The following METAP1D variants were observed in gnomAD, a reference collection of about 807,000 sequenced individuals.
METAP1D encodes the protein methionine aminopeptidase 1D, mitochondrial.
Under a neutral mutation model 40.5 loss-of-function variants are expected in METAP1D, and 31 were observed. That is an observed-to-expected ratio of 0.77 (90% CI 0.58 to 1.03). The LOEUF is 1.03. METAP1D is among the 50% of genes least tolerant of loss of function. METAP1D has a pLI of 0.00. For missense variants in METAP1D, 411 were observed against 420.7 expected, an observed-to-expected ratio of 0.98 and a Z score of 0.20; for synonymous variants, 151 against 146.4, an observed-to-expected ratio of 1.03 and a Z score of -0.22.
intron 6 of METAP1D, among the ~76,000 whole-genome samples, chr2:172,074,066 A>C (rs553659341): frequency 2.0e-5 from 3 of 152,312 alleles, no homozygotes; most frequent in Non-Finnish European, 2.9e-5. Flanking sequence ...AGTAATCTTT[A>C]GGTCATAGTG....
At chr2:172,014,070 G>A (rs965405636) in intron 1 of METAP1D, among the ~76,000 whole-genome samples, 3 of 151,254 alleles carry the variant, frequency 2.0e-5, no homozygotes, top group Admixed American at 6.6e-5. Context: ...TGATCTGCCT[G>A]CCTCGGCCTC....
intron 1 of METAP1D, among the ~76,000 whole-genome samples, chr2:172,007,734 G>A (rs1688620833): frequency 6.6e-6 from 1 of 152,118 alleles, no homozygotes. Flanking sequence ...CTGTTGCCCA[G>A]GATGGAGTGC....
intron 5 of METAP1D, 46 bp downstream of exon 5, chr2:172,066,352 G>C: frequency 6.7e-7 from 1 of 1,485,446 alleles, no homozygotes; most frequent in Non-Finnish European, 9.4e-7. Context: ...CTTCAGAATT[G>C]CTGGTAGCAA....
At chr2:172,014,943 C>G (rs1688822002) in intron 1 of METAP1D, among the ~76,000 whole-genome samples, 1 of 152,124 alleles carries the variant, frequency 6.6e-6, no homozygotes, top group Non-Finnish European at 1.5e-5. Context: ...TCAGCCACTG[C>G]GCTGGCCTAG....
intron 1 of METAP1D, among the ~76,000 whole-genome samples, chr2:172,009,866 G>C (rs1251430340): frequency 6.6e-6 from 1 of 152,054 alleles, no homozygotes; most frequent in Non-Finnish European, 1.5e-5. Flanking sequence ...CCAAGGAAAT[G>C]GTACAGAGGA....
intron 1 of METAP1D, among the ~76,000 whole-genome samples, chr2:172,014,435 C>T (rs1322559131): frequency 1.3e-5 from 2 of 151,982 alleles, no homozygotes; most frequent in Non-Finnish European, 2.9e-5. Context: ...TATAAAAACA[C>T]AAAGAGATAT....
chr2:172,045,725 GTGTGTGTA>G (rs1395216788), intron 1 of METAP1D, among the ~76,000 whole-genome samples: 1 of 89,756 alleles, frequency 1.1e-5, no homozygotes, highest in African/African-American at 3.6e-5. Context: ...GTGTGTGTGT[GTGTGTGTA>G]TATATATGTG....
intron 1 of METAP1D, among the ~76,000 whole-genome samples, chr2:172,006,269 C>T (rs569702215): frequency 9.9e-5 from 15 of 152,020 alleles, no homozygotes; most frequent in East Asian, 3.9e-4. Flanking sequence ...CTGCAAGCTC[C>T]GCCTCCCAGG....
At position 172,042,374 on chromosome 2, in the gene METAP1D, T is replaced by C. The variant is rs1251337079; in HGVS notation, c.41-19124T>C. 7.8e-4 allele frequency among the ~76,000 whole-genome samples: 32 copies of C among 41,158 alleles called. 8 individuals carry two copies. Among genetic ancestry groups the C allele is most frequent in the African/African-American group, 1.5e-3 (16 of 10,520 alleles). 27.0% of individuals were successfully genotyped at this position (41,158 alleles called of 152,430 possible). On this transcript the variant is annotated intron_variant, in intron 1 of 9. Transcript: ENST00000315796. ...ATATATACATATGTATGTGTACATG[T>C]GTACATATATACATATATACATATA...
intron 1 of METAP1D, among the ~76,000 whole-genome samples, chr2:172,009,582 C>G (rs902082759): frequency 6.6e-6 from 1 of 152,018 alleles, no homozygotes; most frequent in African/African-American, 2.4e-5. Flanking sequence ...GGCAGGATTG[C>G]AAGATTCAAG....
Position 172,061,505 on chromosome 2 carries a change from T to C in METAP1D, c.48T>C (p.His16=), listed in dbSNP as rs1690141118. The change falls in exon 2 of 10, where the codon CAT becomes CAC. Residue 16 remains histidine (H), a synonymous_variant. Transcript: ENST00000315796. ...GVHLLVRRGS[H]RIFSSPLNHI... is the part of the protein sequence containing the mutation. ...GTCTGTTTCTGCTCACAGGTTCTCA[T>C]AGAATTTTCTCTTCACCACTCAATC... is the stretch of plus-strand genomic sequence containing the variant. The C allele has an allele frequency of 6.2e-7, 1 of 1,610,362 alleles. No homozygotes were observed. The highest frequency in any genetic ancestry group is 8.5e-7 in the Non-Finnish European group (1 of 1,178,648).
In METAP1D at chr2:172,080,330, C is replaced by A; in HGVS notation, c.932C>A (p.Ser311Ter). 2 of 1,614,070 alleles carry A rather than the reference C, an allele frequency of 1.2e-6. No homozygotes were observed. The highest frequency in any genetic ancestry group is 1.7e-6 in the Non-Finnish European group (2 of 1,179,942). ...GACGGCTGGGTGCTGTGTTACAGGTCGGCGCAGTTCGAGCACACGGTTCTG... is the reference window on the plus strand; with the variant it reads ...GACGGCTGGGTGCTGTGTTACAGGTAGGCGCAGTTCGAGCACACGGTTCTG... ...WTVVSLDNQR[S>*]AQFEHTVLIT... Residue 311 changes from serine to a stop codon, truncating the protein, a stop_gained and splice_region_variant, in exon 10 of 10, where the codon TCG (serine) becomes TAG (stop). Coordinates refer to ENST00000315796, the MANE Select transcript of METAP1D (RefSeq NM_199227.3). LOFTEE classifies it high-confidence loss of function.
At chr2:172,000,110 G>A (rs1688423354) in intron 1 of METAP1D, 101 bp downstream of exon 1, 1 of 1,014,282 alleles carries the variant, frequency 9.9e-7, no homozygotes, top group Non-Finnish European at 1.3e-6. Flanking sequence ...ACTTCTCGGC[G>A]CACACGACTG....
chr2:172,029,947 G>A (rs1574103753), intron 1 of METAP1D, among the ~76,000 whole-genome samples: 2 of 152,126 alleles, frequency 1.3e-5, no homozygotes, highest in African/African-American at 4.8e-5. Flanking sequence ...GTAGAGATGG[G>A]GTTTCACTAT....
intron 1 of METAP1D, among the ~76,000 whole-genome samples, chr2:172,003,660 G>T (rs1321687342): frequency 6.6e-6 from 1 of 152,136 alleles, no homozygotes; most frequent in African/African-American, 2.4e-5. Flanking sequence ...GAGCCATGCA[G>T]AACTGTGAGT....
At chr2:172,002,777 G>A (rs1289656937) in intron 1 of METAP1D, among the ~76,000 whole-genome samples, 1 of 152,042 alleles carries the variant, frequency 6.6e-6, no homozygotes, top group Non-Finnish European at 1.5e-5. Context: ...CTAGATTTAT[G>A]TAAAGCAATC....
chr2:172,049,242 C>T (rs1382753897), intron 1 of METAP1D, among the ~76,000 whole-genome samples: 1 of 152,008 alleles, frequency 6.6e-6, no homozygotes, highest in Non-Finnish European at 1.5e-5. Context: ...GCCTTAGTCT[C>T]CCAAAGTGCT....
At chr2:172,000,205 G>C (rs1410076916) in intron 1 of METAP1D, among the ~76,000 whole-genome samples, 196 bp downstream of exon 1, 1 of 152,202 alleles carries the variant, frequency 6.6e-6, no homozygotes, top group Non-Finnish European at 1.5e-5. Flanking sequence ...TTTGTTCACT[G>C]ATCACCCGCC....
intron 1 of METAP1D, among the ~76,000 whole-genome samples, chr2:172,020,430 G>A (rs369850227): frequency 2.6e-4 from 39 of 152,208 alleles, no homozygotes; most frequent in Admixed American, 1.6e-3. Context: ...AGCAGGGGCC[G>A]TCTTCTTTCG....
Sources: gnomAD v4.1 joint callset for allele counts (sites outside exome capture counted in the v4.1 genomes callset) on GRCh38, gnomAD v4.1.1 for gene constraint, MANE v1.5 for transcripts, NCBI Gene and HGNC (gene_info 2026-07-23, HGNC 2026-07-21) for gene names.